NANOS3: variants seen among roughly 807,000 people sequenced by gnomAD.
NANOS3 encodes nanos homolog 3.
NANOS3 carries 11 observed loss-of-function variants against 13.8 expected under a neutral mutation model. The ratio of observed to expected loss-of-function variants is 0.80; its 90% CI spans 0.50 to 1.32. The LOEUF is 1.32. Ranked by LOEUF, NANOS3 falls within the 40% of genes most tolerant of loss-of-function variation. The pLI is 0.00. For missense variants in NANOS3, 221 were observed against 263.8 expected (o/e 0.84, Z 1.12); for synonymous variants, 119 against 115.4 (o/e 1.03, Z -0.20).
At position 13,880,575 on chromosome 19, in the gene NANOS3, T is replaced by C; in HGVS notation, c.*72T>C. The C allele has an allele frequency of 7.6e-7, 1 of 1,315,770 alleles. No individual in the cohort carries two copies. The highest frequency in any genetic ancestry group is 1.1e-6 in the Non-Finnish European group (1 of 912,608). 81.5% of individuals were successfully genotyped at this position (1,315,770 alleles called of 1,614,324 possible). A position where few individuals can be genotyped will look rare whatever the true frequency, so the allele number is the denominator to read the frequency against. On this transcript the variant is annotated 3_prime_UTR_variant, in exon 2 of 2. Coordinates refer to ENST00000339133, the MANE Select transcript of NANOS3 (RefSeq NM_001098622.3). ...CCAGGAAGACCCACCCTATGACGAC[T>C]GCCCCCACTCCCAGACCCTCCCCCC...
intron 1 of NANOS3, among the ~76,000 whole-genome samples, chr19:13,871,354 G>A (rs767815773): frequency 3.0e-4 from 45 of 152,312 alleles, no homozygotes; most frequent in Admixed American, 7.2e-4. Flanking sequence ...ACCCTGGGAT[G>A]ACCAAGAGAC....
chr19:13,866,091 G>A (rs1380711882), intron 1 of NANOS3, among the ~76,000 whole-genome samples: 2 of 152,138 alleles, frequency 1.3e-5, no homozygotes, highest in Non-Finnish European at 2.9e-5. Flanking sequence ...CGCCCCTCCG[G>A]CCTGTCATTA....
At chr19:13,863,551 G>A (rs901574220), upstream of NANOS3, among the ~76,000 whole-genome samples, 3 of 152,126 alleles carry the variant, frequency 2.0e-5, no homozygotes, top group Non-Finnish European at 2.9e-5. Context: ...AGGGCTGGCC[G>A]GCAGGGGGGC....
At chr19:13,871,017 C>T (rs1976319759) in intron 1 of NANOS3, among the ~76,000 whole-genome samples, 1 of 151,926 alleles carries the variant, frequency 6.6e-6, no homozygotes, top group Non-Finnish European at 1.5e-5. Context: ...AAAATGAAGG[C>T]CCTGAAAGAC....
upstream of NANOS3, among the ~76,000 whole-genome samples, chr19:13,876,188 G>A (rs1968506048): frequency 6.6e-6 from 1 of 152,192 alleles, no homozygotes; most frequent in African/African-American, 2.4e-5. Flanking sequence ...TCCCAGGCTG[G>A]AGTGCAGTGG....
At chr19:13,867,115 A>G (rs1435277701) in intron 1 of NANOS3, among the ~76,000 whole-genome samples, 1 of 151,794 alleles carries the variant, frequency 6.6e-6, no homozygotes, top group African/African-American at 2.4e-5. Flanking sequence ...TAATTTTTGT[A>G]TTTTTAGTAG....
intron 1 of NANOS3, among the ~76,000 whole-genome samples, chr19:13,867,322 GCA>G: frequency 8.1e-6 from 1 of 123,598 alleles, no homozygotes; most frequent in Non-Finnish European, 1.9e-5. Context: ...TAGGCTCACT[GCA>G]ATCTAGGCTC....
At chr19:13,873,715 C>T (rs544624372), upstream of NANOS3, among the ~76,000 whole-genome samples, 27 of 152,294 alleles carry the variant, frequency 1.8e-4, no homozygotes, top group African/African-American at 6.0e-4. Flanking sequence ...AAAAGATCCT[C>T]CCGCCTCAGC....
intron 1 of NANOS3, among the ~76,000 whole-genome samples, chr19:13,871,375 A>G (rs1976325169): frequency 6.6e-6 from 1 of 152,208 alleles, no homozygotes; most frequent in Non-Finnish European, 1.5e-5. Flanking sequence ...AGGTGGACCC[A>G]GATGGACACT....
At chr19:13,865,527 C>G (rs1976222596) in intron 1 of NANOS3, 1 of 143,014 alleles carries the variant, frequency 7.0e-6, no homozygotes, top group Non-Finnish European at 1.5e-5. Flanking sequence ...CGGGACGCGG[C>G]CGCAGCCCCC....
chr19:13,862,519 C>A (rs746444703), upstream of NANOS3, among the ~76,000 whole-genome samples: 1 of 152,124 alleles, frequency 6.6e-6, no homozygotes, highest in Admixed American at 6.5e-5. Flanking sequence ...AGAAAGAATT[C>A]CAGCTCTGCC....
chr19:13,876,238 A>C (rs1968507220), upstream of NANOS3, among the ~76,000 whole-genome samples: 1 of 152,158 alleles, frequency 6.6e-6, no homozygotes, highest in South Asian at 2.1e-4. Context: ...TCCTGGGTTC[A>C]AGCAATTCTT....
intron 1 of NANOS3, among the ~76,000 whole-genome samples, chr19:13,870,401 G>A (rs1435839305): frequency 6.6e-6 from 1 of 151,670 alleles, no homozygotes; most frequent in Non-Finnish European, 1.5e-5. Context: ...CAGCTTGACG[G>A]TAGAGCTGCC....
chr19:13,879,131 G>C (rs573148370), intron 1 of NANOS3, among the ~76,000 whole-genome samples: 1 of 151,784 alleles, frequency 6.6e-6, no homozygotes, highest in Non-Finnish European at 1.5e-5. Flanking sequence ...GTACAGACGG[G>C]ATTTCACCAT....
upstream of NANOS3, among the ~76,000 whole-genome samples, chr19:13,872,226 T>G (rs1362657110): frequency 6.6e-6 from 1 of 151,058 alleles, no homozygotes; most frequent in Admixed American, 6.6e-5. Context: ...GTGCCTGTAG[T>G]CCCAGCTACT....
At chr19:13,879,727 T>TA (rs60370043) in intron 1 of NANOS3, among the ~76,000 whole-genome samples, 86 of 141,202 alleles carry the variant, frequency 6.1e-4, no homozygotes, top group East Asian at 1.7e-3. Context: ...GACCTCGTCT[T>TA]AAAAAAAAAA....
intron 1 of NANOS3, among the ~76,000 whole-genome samples, chr19:13,879,032 C>G (rs958201071): frequency 2.7e-5 from 4 of 149,412 alleles, no homozygotes; most frequent in Non-Finnish European, 6.0e-5. Flanking sequence ...ACCTGTCTCC[C>G]GGGTTCAAGC....
intron 1 of NANOS3, among the ~76,000 whole-genome samples, chr19:13,867,400 G>A (rs1295637175): frequency 6.6e-6 from 1 of 151,968 alleles, no homozygotes; most frequent in Non-Finnish European, 1.5e-5. Flanking sequence ...GAGTAGCTGG[G>A]AGAACAGGTG....
At chr19:13,868,726 A>G (rs1399163609) in intron 1 of NANOS3, among the ~76,000 whole-genome samples, 1 of 151,580 alleles carries the variant, frequency 6.6e-6, no homozygotes, top group African/African-American at 2.4e-5. Flanking sequence ...CCCACACCTG[A>G]CATTTTAGTG....
Sources: gnomAD v4.1 joint callset for allele counts (sites outside exome capture counted in the v4.1 genomes callset) on GRCh38, gnomAD v4.1.1 for gene constraint, MANE v1.5 for transcripts, NCBI Gene and HGNC (gene_info 2026-07-23, HGNC 2026-07-21) for gene names.